FMN2: variants seen among roughly 807,000 people sequenced by gnomAD.
FMN2 encodes the protein formin 2, also known as formin-2.
In FMN2, 51 loss-of-function variants were observed where a neutral mutation model predicts 142.3. That is an observed-to-expected ratio of 0.36 (90% CI 0.29 to 0.45). FMN2 has a LOEUF of 0.45. Among genes scored for constraint, FMN2 ranks in the 20% least tolerant of loss-of-function variants. FMN2 has a pLI of 1.00. For missense variants in FMN2, 1,936 were observed against 2,122.8 expected, an observed-to-expected ratio of 0.91 and a Z score of 1.73; for synonymous variants, 882 against 869.8, an observed-to-expected ratio of 1.01 and a Z score of -0.25.
intron 16 of FMN2, among the ~76,000 whole-genome samples, chr1:240,456,694 G>T (rs1400979238): frequency 1.3e-5 from 2 of 152,170 alleles, no homozygotes; most frequent in African/African-American, 4.8e-5. Context: ...GACCTCAGGT[G>T]ATTCACACAC....
intron 7 of FMN2, among the ~76,000 whole-genome samples, chr1:240,267,902 AC>A (rs1398804131): frequency 1.3e-5 from 2 of 152,118 alleles, no homozygotes; most frequent in Admixed American, 6.6e-5. Context: ...CAACAAACAT[AC>A]GAAAAAATGT....
chr1:240,156,648 C>G (rs1664037113), intron 2 of FMN2, among the ~76,000 whole-genome samples: 1 of 152,098 alleles, frequency 6.6e-6, no homozygotes, highest in Non-Finnish European at 1.5e-5. Context: ...GGCTGAAATC[C>G]TAGTTGGCCC....
At chr1:240,096,417 C>T (rs1661198502) in intron 1 of FMN2, among the ~76,000 whole-genome samples, 1 of 152,160 alleles carries the variant, frequency 6.6e-6, no homozygotes, top group African/African-American at 2.4e-5. Flanking sequence ...CTCATGGAAA[C>T]TGTTCTTATG....
chr1:240,336,882 T>C (rs1671583022), intron 13 of FMN2, among the ~76,000 whole-genome samples: 1 of 150,982 alleles, frequency 6.6e-6, no homozygotes, highest in Non-Finnish European at 1.5e-5. Flanking sequence ...TTTACCTCAT[T>C]TTTTTTTTGC....
At chr1:240,433,959 C>A (rs924836616) in intron 15 of FMN2, among the ~76,000 whole-genome samples, 3 of 152,168 alleles carry the variant, frequency 2.0e-5, no homozygotes, top group African/African-American at 7.2e-5. Context: ...CCGAAATGGT[C>A]CTGCTTCTGT....
At chr1:240,131,394 C>T (rs1273407363) in intron 2 of FMN2, among the ~76,000 whole-genome samples, 1 of 152,036 alleles carries the variant, frequency 6.6e-6, no homozygotes, top group African/African-American at 2.4e-5. Flanking sequence ...TAGGAGTTTG[C>T]TGTGGGGAAC....
intron 11 of FMN2, among the ~76,000 whole-genome samples, chr1:240,331,721 A>G (rs1671383545): frequency 6.6e-6 from 1 of 152,194 alleles, no homozygotes; most frequent in African/African-American, 2.4e-5. Context: ...CCTAAGTTGA[A>G]AATACCATAA....
chr1:240,098,096 A>ATTTTTTTTTTTTTTTTTTTT (rs1558293621), intron 1 of FMN2, among the ~76,000 whole-genome samples: 2 of 81,192 alleles, frequency 2.5e-5, no homozygotes, highest in African/African-American at 1.4e-4. Context: ...GGTTATCTTG[A>ATTTTTTTTTTTTTTTTTTTT]ATTTTTTTTT....
intron 8 of FMN2, among the ~76,000 whole-genome samples, chr1:240,299,761 C>T (rs1670129661): frequency 6.6e-6 from 1 of 151,922 alleles, no homozygotes; most frequent in South Asian, 2.1e-4. Context: ...GAAGCTTGAG[C>T]TTCCTTTTCT....
At chr1:240,234,439 G>C (rs1667629842) in intron 6 of FMN2, among the ~76,000 whole-genome samples, 1 of 152,158 alleles carries the variant, frequency 6.6e-6, no homozygotes, top group Non-Finnish European at 1.5e-5. Context: ...AAGGGAAACA[G>C]GCCTTGGAAG....
chr1:240,142,920 A>G lies in FMN2; in HGVS notation c.1782+19575A>G, dbSNP rs1309173750. On this transcript the variant is annotated intron_variant, in intron 2 of 17. Coordinates refer to ENST00000319653, the MANE Select transcript of FMN2 (RefSeq NM_020066.5). ...AAACGTAACCAGCATTCGGGGCCGCATGGCAGCCACCAGCCCATACAATAC... is the reference window on the plus strand; with the variant it reads ...AAACGTAACCAGCATTCGGGGCCGCGTGGCAGCCACCAGCCCATACAATAC... 1.2e-5 allele frequency: 19 copies of G among 1,606,088 alleles called. No homozygotes were observed. In the East Asian group the frequency reaches 4.2e-4, roughly 36 times the overall value.
At chr1:240,143,191 C>T (rs1369422249) in intron 2 of FMN2, 1 of 1,589,168 alleles carries the variant, frequency 6.3e-7, no homozygotes, top group East Asian at 2.2e-5. Flanking sequence ...TTATTGGTAC[C>T]ACTGCCCACC....
At chr1:240,353,393 G>T (rs1054934277) in intron 13 of FMN2, among the ~76,000 whole-genome samples, 4 of 152,130 alleles carry the variant, frequency 2.6e-5, no homozygotes, top group African/African-American at 9.7e-5. Context: ...ACATTCAGTG[G>T]ATGGGTGACC....
chr1:240,277,853 C>T (rs1669271713), intron 7 of FMN2, among the ~76,000 whole-genome samples: 1 of 152,064 alleles, frequency 6.6e-6, no homozygotes, highest in Non-Finnish European at 1.5e-5. Context: ...CATCTTCTAA[C>T]ATTGCCTTAT....
At chr1:240,178,498 T>C (rs1313398913) in intron 3 of FMN2, among the ~76,000 whole-genome samples, 1 of 149,864 alleles carries the variant, frequency 6.7e-6, no homozygotes, top group East Asian at 2.0e-4. Flanking sequence ...CAGGCTAGAG[T>C]GCAGTGGAGC....
At chr1:240,225,882 A>G (rs1667279739) in intron 6 of FMN2, among the ~76,000 whole-genome samples, 1 of 152,226 alleles carries the variant, frequency 6.6e-6, no homozygotes, top group Non-Finnish European at 1.5e-5. Context: ...ATAATTCTAG[A>G]GTTAAAAGTA....
intron 15 of FMN2, among the ~76,000 whole-genome samples, chr1:240,424,618 T>C (rs528975969): frequency 5.3e-5 from 8 of 152,200 alleles, no homozygotes; most frequent in Non-Finnish European, 1.0e-4. Flanking sequence ...GCTGCCACAC[T>C]GATAACAGAA....
intron 8 of FMN2, among the ~76,000 whole-genome samples, chr1:240,326,826 G>A (rs1334087973): frequency 2.0e-5 from 3 of 152,092 alleles, no homozygotes; most frequent in Non-Finnish European, 4.4e-5. Context: ...AGAGGTTATA[G>A]GGATTGGAGA....
At chr1:240,148,349 AAGACAGAG>A (rs1663593104) in intron 2 of FMN2, among the ~76,000 whole-genome samples, 2 of 102,200 alleles carry the variant, frequency 2.0e-5, no homozygotes, top group South Asian at 9.6e-4. Flanking sequence ...TAAAGAGAGA[AAGACAGAG>A]AGACAGAGAC....
Sources: gnomAD v4.1 joint callset for allele counts (sites outside exome capture counted in the v4.1 genomes callset) on GRCh38, gnomAD v4.1.1 for gene constraint, MANE v1.5 for transcripts, NCBI Gene and HGNC (gene_info 2026-07-23, HGNC 2026-07-21) for gene names.